Variants in TBX1 observed in about 807,000 individuals in gnomAD.
TBX1 encodes T-box transcription factor TBX1.
In TBX1, 16 loss-of-function variants were observed where a neutral mutation model predicts 40.8. That is an observed-to-expected ratio of 0.39 (90% CI 0.27 to 0.60). The LOEUF (loss-of-function observed/expected upper bound fraction) is 0.60. TBX1 is among the 20% of genes least tolerant of loss of function. The pLI is 0.51. For missense variants in TBX1, 755 were observed against 728.5 expected, an observed-to-expected ratio of 1.04 and a Z score of -0.42; for synonymous variants, 403 against 336.8, an observed-to-expected ratio of 1.20 and a Z score of -2.15.
chr22:19,781,792 A>G (rs992910590), downstream of TBX1, among the ~76,000 whole-genome samples: 1 of 152,204 alleles, frequency 6.6e-6, no homozygotes, highest in Non-Finnish European at 1.5e-5. Flanking sequence ...TGTTAAAAAG[A>G]CAGTCTTTTC....
chr22:19,771,614 C>T (rs1936991266), downstream of TBX1, among the ~76,000 whole-genome samples: 3 of 152,350 alleles, frequency 2.0e-5, no homozygotes, highest in African/African-American at 7.2e-5. Flanking sequence ...CCTCTCCTCC[C>T]GGCCCCACTG....
downstream of TBX1, among the ~76,000 whole-genome samples, chr22:19,780,776 G>GTT (rs564336679): frequency 0.13 from 15,171 of 116,936 alleles, 2,158 homozygotes; most frequent in South Asian, 0.24. Flanking sequence ...CTTGTTTTCT[G>GTT]TTTTTTTTTT....
At chr22:19,760,037 G>C (rs41298794), upstream of TBX1, among the ~76,000 whole-genome samples, 2,166 of 152,276 alleles carry the variant, frequency 0.014, 31 homozygotes, top group South Asian at 0.039. Flanking sequence ...GGAAGCCGTG[G>C]AGACGAAATT....
downstream of TBX1, among the ~76,000 whole-genome samples, chr22:19,781,598 T>C (rs1428899356): frequency 6.6e-6 from 1 of 152,218 alleles, no homozygotes; most frequent in Non-Finnish European, 1.5e-5. Flanking sequence ...GCCTTTCGTG[T>C]CATATCCAAG....
At chr22:19,773,864 G>T (rs35412170) in intron 8 of TBX1, among the ~76,000 whole-genome samples, 25,721 of 152,164 alleles carry the variant, frequency 0.17, 4,009 homozygotes, top group African/African-American at 0.41. Flanking sequence ...CTGGCCCCTC[G>T]GCCCTCAGCC....
intron 8 of TBX1, among the ~76,000 whole-genome samples, chr22:19,774,393 A>C (rs1937034682): frequency 6.6e-6 from 1 of 152,214 alleles, no homozygotes; most frequent in South Asian, 2.1e-4. Context: ...AGCCTGAGTG[A>C]CAGAGCAATA....
chr22:19,768,067 A>G (rs1936919707), downstream of TBX1, among the ~76,000 whole-genome samples: 1 of 152,120 alleles, frequency 6.6e-6, no homozygotes, highest in Admixed American at 6.5e-5. Flanking sequence ...GGGCGAGAGG[A>G]ACTCTTTGAT....
intron 1 of TBX1, 131 bp from the exon 2 acceptor site, chr22:19,763,110 A>AAGGGCTGGGGCTGCTG: frequency 1.3e-6 from 1 of 742,058 alleles, no homozygotes. Flanking sequence ...GATGGAGCCC[A>AAGGGCTGGGGCTGCTG]AGGGCTGGGA....
At chr22:19,765,729 G>A in intron 4 of TBX1, 29 bp from the exon 5 acceptor site, 2 of 1,610,468 alleles carry the variant, frequency 1.2e-6, no homozygotes, top group Non-Finnish European at 1.7e-6. Context: ...CAGGGCTCCA[G>A]CGGCTTGCTC....
intron 8 of TBX1, among the ~76,000 whole-genome samples, chr22:19,777,879 C>T (rs1462847819): frequency 6.6e-6 from 1 of 151,526 alleles, no homozygotes; most frequent in Non-Finnish European, 1.5e-5. Flanking sequence ...CTTACCTCAA[C>T]CTCCCATGTA....
In TBX1 at chr22:19,761,186, A is replaced by C. The variant is rs1179785873; in HGVS notation, c.343A>C (p.Lys115Gln). Residue 115 changes from lysine (K) to glutamine (Q), a missense_variant, in exon 1 of 7, where the codon AAG becomes CAG. Lys to Gln is a moderately conservative substitution (Grantham distance 53, BLOSUM62 1). Transcript: ENST00000649276. ...AAKAPVKKNA[K>Q]VAGVSVQLEM... ...CAAGGCGCCGGTGAAGAAGAACGCG[A>C]AGGTGGCCGGTGTGAGCGTGCAGCT... The C allele has an allele frequency of 6.5e-7, 1 of 1,541,250 alleles. No individual in the cohort carries two copies. Among genetic ancestry groups the C allele is most frequent in the African/African-American group, 1.4e-5 (1 of 69,740 alleles).
At chr22:19,767,812 G>T (rs563809805), downstream of TBX1, among the ~76,000 whole-genome samples, 7 of 152,350 alleles carry the variant, frequency 4.6e-5, no homozygotes, top group South Asian at 1.2e-3. Flanking sequence ...GCCCCTGACC[G>T]GGATGGGGTC....
intron 3 of TBX1, 124 bp from the exon 4 acceptor site, chr22:19,764,834 G>C (rs1936779496): frequency 1.7e-6 from 2 of 1,197,392 alleles, no homozygotes; most frequent in Non-Finnish European, 2.4e-6. Context: ...TTGGAATTAA[G>C]GGTTTTGCCC....
Position 19,779,363 on chromosome 22 carries a change from C to T in TBX1, c.1153C>T (p.Gln385Ter), listed in dbSNP as rs1356825603. ...CGCAGAGTGCCAACCCTTCAATACC[C>T]AGGGCCTGGTGGCTGGGAGGACCGC... Residue 385 changes from glutamine to a stop codon, truncating the protein, a stop_gained, in exon 9 of 9, where the codon CAG becomes TAG. Coordinates refer to the TBX1 transcript ENST00000329705. LOFTEE classifies it low-confidence loss of function (END_TRUNC). 1 of 1,614,230 alleles carries T rather than the reference C, an allele frequency of 6.2e-7. No homozygotes were observed. Among genetic ancestry groups the T allele is most frequent in the Middle Eastern group, 1.6e-4 (1 of 6,062 alleles).
At chr22:19,776,508 G>A (rs1439659064) in intron 8 of TBX1, among the ~76,000 whole-genome samples, 3 of 152,020 alleles carry the variant, frequency 2.0e-5, no homozygotes, top group East Asian at 1.9e-4. Context: ...GGATCACCTC[G>A]GAGATGGGTG....
chr22:19,769,052 C>T (rs554052077), downstream of TBX1, among the ~76,000 whole-genome samples: 2 of 150,686 alleles, frequency 1.3e-5, no homozygotes, highest in South Asian at 4.2e-4. Context: ...CCTCCGCCTC[C>T]TGGGTTCAAG....
At chr22:19,779,712 A>C (rs1937119988), downstream of TBX1, among the ~76,000 whole-genome samples, 3 of 152,248 alleles carry the variant, frequency 2.0e-5, no homozygotes, top group African/African-American at 7.2e-5. Flanking sequence ...AAATGCCTTA[A>C]ACACCTCAGT....
intron 1 of TBX1, among the ~76,000 whole-genome samples, chr22:19,762,261 C>G (rs913412737): frequency 1.4e-4 from 22 of 152,248 alleles, no homozygotes; most frequent in Non-Finnish European, 2.8e-4. Context: ...CGGGAGCCCA[C>G]GTCCCGCAGC....
At chr22:19,761,510 G>GA (rs1344534246) in intron 1 of TBX1, among the ~76,000 whole-genome samples, 6 of 151,700 alleles carry the variant, frequency 4.0e-5, no homozygotes, top group Admixed American at 2.6e-4. Flanking sequence ...GGCGGGAGGA[G>GA]ACGGCGCGGG....
Sources: allele counts gnomAD v4.1 joint callset (sites outside exome capture counted in the v4.1 genomes callset), GRCh38; gene constraint gnomAD v4.1.1; transcripts MANE v1.5; gene names NCBI Gene and HGNC (gene_info 2026-07-23, HGNC 2026-07-21).